ARHGEF4: variants seen among roughly 807,000 people sequenced by gnomAD.
ARHGEF4 encodes the protein Rho guanine nucleotide exchange factor 4.
Under a neutral mutation model 162.0 loss-of-function variants are expected in ARHGEF4, and 119 were observed. The observed-to-expected ratio is 0.73, with a 90% confidence interval of 0.63 to 0.86. ARHGEF4 has a LOEUF of 0.86. Among genes scored for constraint, ARHGEF4 ranks in the 40% least tolerant of loss-of-function variants. ARHGEF4 has a pLI of 0.00. For synonymous variants in ARHGEF4, 1,014 were observed against 979.9 expected (o/e 1.03, Z -0.65); for missense variants, 2,488 against 2,456.0 (o/e 1.01, Z -0.28).
chr2:130,915,874 C>T lies in ARHGEF4; in HGVS notation c.1928C>T (p.Ala643Val). 1 of 1,548,306 alleles carries T rather than the reference C, an allele frequency of 6.5e-7. No homozygotes were observed. The highest frequency in any genetic ancestry group is 8.7e-7 in the Non-Finnish European group (1 of 1,146,028). The change falls in exon 2 of 14, where the codon GCC becomes GTC. Residue 643 changes from alanine (A) to valine (V), a missense_variant. Physicochemically the swap from Ala to Val is moderately conservative, Grantham distance 64 (BLOSUM62 0). This residue lies in a region of ARHGEF4 where 1,642 missense variants were observed against 1,481.5 expected (regional missense o/e 1.11). Transcript: ENST00000409359. ...IVAVEQKGLQ[A>V]SRSNAGPVPE... ...GCTGTGGAGCAGAAAGGTCTTCAGGCCAGCAGGAGCAATGCGGGGCCTGTT... is the reference window on the plus strand; with the variant it reads ...GCTGTGGAGCAGAAAGGTCTTCAGGTCAGCAGGAGCAATGCGGGGCCTGTT...
chr2:131,036,894 T>G (rs1477507419), intron 5 of ARHGEF4, among the ~76,000 whole-genome samples: 1 of 152,154 alleles, frequency 6.6e-6, no homozygotes, highest in Non-Finnish European at 1.5e-5. Flanking sequence ...TGGAGCCTCA[T>G]TCTTCAGGGC....
At chr2:130,872,671 C>T (rs1309749060) in intron 1 of ARHGEF4, among the ~76,000 whole-genome samples, 2 of 152,204 alleles carry the variant, frequency 1.3e-5, no homozygotes, top group Non-Finnish European at 2.9e-5. Flanking sequence ...GACTGTTTTC[C>T]TGCCAGATCC....
At chr2:131,041,490 G>A (rs1435453218) in intron 9 of ARHGEF4, 28 bp downstream of exon 9, 7 of 1,592,504 alleles carry the variant, frequency 4.4e-6, no homozygotes, top group Non-Finnish European at 6.0e-6. Context: ...CAGGGAGGCA[G>A]CCCACGCCTC....
chr2:130,883,514 C>T (rs919769722), intron 1 of ARHGEF4, among the ~76,000 whole-genome samples: 2 of 152,130 alleles, frequency 1.3e-5, no homozygotes, highest in Non-Finnish European at 2.9e-5. Flanking sequence ...CCTTCCCTTC[C>T]CCACTAAAAA....
intron 1 of ARHGEF4, among the ~76,000 whole-genome samples, chr2:130,888,006 C>T (rs1308842777): frequency 6.6e-6 from 1 of 152,060 alleles, no homozygotes; most frequent in Non-Finnish European, 1.5e-5. Context: ...TGTGCAGCTT[C>T]CCAGGGTCTT....
At chr2:130,913,871 G>C in intron 1 of ARHGEF4, 115 bp from the exon 2 acceptor site, 9 of 1,268,486 alleles carry the variant, frequency 7.1e-6, no homozygotes, top group Non-Finnish European at 9.7e-6. Context: ...GGTACATGGG[G>C]AACTAATGAG....
At chr2:130,870,781 G>C (rs34469492) in intron 1 of ARHGEF4, among the ~76,000 whole-genome samples, 26,494 of 152,050 alleles carry the variant, frequency 0.17, 2,597 homozygotes, top group East Asian at 0.27. Flanking sequence ...GTCACCCAGC[G>C]AGACATGGGG....
chr2:130,965,820 G>A (rs1180252596), intron 4 of ARHGEF4, among the ~76,000 whole-genome samples: 1 of 152,136 alleles, frequency 6.6e-6, no homozygotes, highest in African/African-American at 2.4e-5. Context: ...AGGCAGCCTG[G>A]ATAATTTTCC....
intron 4 of ARHGEF4, among the ~76,000 whole-genome samples, chr2:131,017,616 C>A (rs775798827): frequency 6.6e-6 from 1 of 152,082 alleles, no homozygotes; most frequent in Non-Finnish European, 1.5e-5. Flanking sequence ...TTATTCCCCT[C>A]GAGAGACCAT....
chr2:130,966,327 C>T (rs1006660842), intron 4 of ARHGEF4, among the ~76,000 whole-genome samples: 2 of 152,204 alleles, frequency 1.3e-5, no homozygotes, highest in Admixed American at 6.5e-5. Context: ...CTAAGACTCG[C>T]CTCTCTTCTT....
chr2:131,026,942 A>G (rs1470125533), intron 4 of ARHGEF4, among the ~76,000 whole-genome samples: 2 of 152,256 alleles, frequency 1.3e-5, no homozygotes, highest in Non-Finnish European at 2.9e-5. Flanking sequence ...ATGGCTCTCC[A>G]GAATGCCACA....
intron 4 of ARHGEF4, among the ~76,000 whole-genome samples, chr2:130,972,815 C>T (rs976891870): frequency 3.3e-5 from 5 of 151,982 alleles, no homozygotes; most frequent in East Asian, 1.9e-4. Context: ...TGATTGTTTC[C>T]GCAATATACA....
chr2:130,841,399 T>A (rs1203758925), intron 1 of ARHGEF4, among the ~76,000 whole-genome samples: 15 of 150,520 alleles, frequency 1.0e-4, no homozygotes, highest in Admixed American at 1.0e-3. Context: ...TACATTTCTA[T>A]TAATACTACA....
chr2:130,944,661 G>A (rs1333645094), intron 3 of ARHGEF4, among the ~76,000 whole-genome samples: 1 of 151,900 alleles, frequency 6.6e-6, no homozygotes, highest in Non-Finnish European at 1.5e-5. Flanking sequence ...TGTCAAAAGT[G>A]TTCACCCTTA....
At chr2:130,964,319 C>A in intron 4 of ARHGEF4, 3 of 915,052 alleles carry the variant, frequency 3.3e-6, no homozygotes, top group Non-Finnish European at 3.9e-6. Flanking sequence ...GGACCCCCCG[C>A]CCCCCTCCTG....
intron 4 of ARHGEF4, among the ~76,000 whole-genome samples, chr2:131,020,255 T>C (rs555436438): frequency 6.6e-6 from 1 of 152,006 alleles, no homozygotes; most frequent in African/African-American, 2.4e-5. Flanking sequence ...TTGTTACATA[T>C]GTATACATGT....
At chr2:131,010,231 G>A (rs892613393) in intron 4 of ARHGEF4, among the ~76,000 whole-genome samples, 36 of 152,120 alleles carry the variant, frequency 2.4e-4, no homozygotes, top group African/African-American at 8.5e-4. Flanking sequence ...TTCAATCAGT[G>A]ACACTGTGAC....
At chr2:131,045,801 T>A (rs907952324) in intron 13 of ARHGEF4, 15 of 1,427,908 alleles carry the variant, frequency 1.1e-5, no homozygotes, top group Non-Finnish European at 1.1e-5. Context: ...CACATGCCTT[T>A]GCACAGGCCA....
Position 130,915,239 on chromosome 2 carries a change from G to A in ARHGEF4, c.1293G>A (p.Gln431=). The change falls in exon 2 of 14, where the codon CAG becomes CAA. Residue 431 remains glutamine, a synonymous_variant. Coordinates refer to ENST00000409359, the MANE Select transcript of ARHGEF4 (RefSeq NM_001367493.1). ...AGLLGENQLR[Q]DSRSCLVASC... ...TCCTGGGGGAAAACCAGTTAAGACA[G>A]GATTCCAGGTCATGTCTGGTGGCTT... 6.4e-7 allele frequency: 1 copy of A among 1,550,620 alleles called. No homozygotes were observed. Among genetic ancestry groups the A allele is most frequent in the African/African-American group, 1.4e-5 (1 of 73,166 alleles).
Sources: allele counts gnomAD v4.1 joint callset (sites outside exome capture counted in the v4.1 genomes callset), GRCh38; gene constraint gnomAD v4.1.1; regional missense constraint gnomAD v4.1.1; transcripts MANE v1.5; gene names NCBI Gene and HGNC (gene_info 2026-07-23, HGNC 2026-07-21).